FAM135B: variants seen among roughly 807,000 people sequenced by gnomAD.
FAM135B encodes the protein protein FAM135B.
In FAM135B, 43 loss-of-function variants were observed where a neutral mutation model predicts 127.7. That is an observed-to-expected ratio of 0.34 (90% CI 0.26 to 0.43). The LOEUF (loss-of-function observed/expected upper bound fraction) is 0.43. FAM135B is among the 20% of genes least tolerant of loss of function. FAM135B has a pLI of 1.00. For synonymous variants in FAM135B, 670 were observed against 665.1 expected (o/e 1.01, Z -0.11); for missense variants, 1,558 against 1,725.6 (o/e 0.90, Z 1.72).
At chr8:138,329,753 T>C (rs7011653) in intron 2 of FAM135B, among the ~76,000 whole-genome samples, 61,264 of 151,978 alleles carry the variant, frequency 0.4, 12,542 homozygotes, top group South Asian at 0.54. Flanking sequence ...GAGAACTCAG[T>C]CCCACATCTG....
At chr8:138,320,664 A>G (rs1176237287) in intron 2 of FAM135B, among the ~76,000 whole-genome samples, 3 of 152,200 alleles carry the variant, frequency 2.0e-5, no homozygotes, top group African/African-American at 7.2e-5. Flanking sequence ...GATTAGAGAA[A>G]TATCCATTAC....
intron 2 of FAM135B, among the ~76,000 whole-genome samples, chr8:138,363,363 C>T (rs1345368822): frequency 1.3e-5 from 2 of 152,172 alleles, no homozygotes; most frequent in East Asian, 3.9e-4. Context: ...CACCATTTTA[C>T]AGGCCATACA....
At chr8:138,356,577 T>C (rs1012580122) in intron 2 of FAM135B, among the ~76,000 whole-genome samples, 1 of 152,166 alleles carries the variant, frequency 6.6e-6, no homozygotes, top group African/African-American at 2.4e-5. Flanking sequence ...TTTCACCCAA[T>C]GATGGTGAAG....
intron 1 of FAM135B, among the ~76,000 whole-genome samples, chr8:138,385,140 C>T (rs1832112938): frequency 6.6e-6 from 1 of 152,154 alleles, no homozygotes; most frequent in African/African-American, 2.4e-5. Context: ...ATCCACTTGC[C>T]TCAAAGGGCC....
chr8:138,149,535 G>T (rs189715682), intron 13 of FAM135B, among the ~76,000 whole-genome samples: 17 of 152,304 alleles, frequency 1.1e-4, no homozygotes, highest in African/African-American at 2.9e-4. Flanking sequence ...GATGCTCTTT[G>T]TCTGGTTACC....
chr8:138,147,920 T>C (rs185187984), intron 14 of FAM135B, among the ~76,000 whole-genome samples: 17 of 152,266 alleles, frequency 1.1e-4, no homozygotes, highest in African/African-American at 4.1e-4. Flanking sequence ...GTGAGAAAGT[T>C]TTTTTGTTCC....
At chr8:138,298,815 G>T (rs980819204) in intron 3 of FAM135B, among the ~76,000 whole-genome samples, 2 of 152,014 alleles carry the variant, frequency 1.3e-5, no homozygotes, top group Non-Finnish European at 2.9e-5. Flanking sequence ...GAGGGACAGG[G>T]GTATCAGGAC....
chr8:138,264,787 G>T (rs933095731), intron 4 of FAM135B, among the ~76,000 whole-genome samples: 1 of 152,168 alleles, frequency 6.6e-6, no homozygotes, highest in African/African-American at 2.4e-5. Context: ...TGGACAAAAA[G>T]CCAAGAAGCC....
At position 138,243,720 on chromosome 8, in the gene FAM135B, T is replaced by C. The variant is rs1350199547; in HGVS notation, c.543-652A>G. On this transcript the variant is annotated intron_variant, in intron 6 of 19. Transcript: ENST00000395297. This position sits in a 1 kb window ranked among gnomAD's most constrained non-coding sequence, Gnocchi z 7.5. Reference sequence around the variant, plus strand: ...AGGATCAAAGGAGATTAGGAAAAGATGTGTGATTATTCAAATTTATCATAT... The same window carrying C: ...AGGATCAAAGGAGATTAGGAAAAGACGTGTGATTATTCAAATTTATCATAT... Among the ~76,000 whole-genome samples, 1 of 152,222 alleles carries C rather than the reference T, an allele frequency of 6.6e-6. No homozygotes were observed. The highest frequency in any genetic ancestry group is 1.5e-5 in the Non-Finnish European group (1 of 68,032).
chr8:138,378,526 C>T (rs545416626), intron 1 of FAM135B, among the ~76,000 whole-genome samples: 1 of 152,230 alleles, frequency 6.6e-6, no homozygotes, highest in South Asian at 2.1e-4. Flanking sequence ...GAATGATAAT[C>T]CCCTTCCACC....
chr8:138,478,351 T>G (rs1192597628), intron 1 of FAM135B, among the ~76,000 whole-genome samples: 1 of 152,156 alleles, frequency 6.6e-6, no homozygotes, highest in African/African-American at 2.4e-5. Flanking sequence ...CCCCATGAGC[T>G]TCACCCAAAA....
chr8:138,368,749 G>A (rs1020106120), intron 1 of FAM135B, among the ~76,000 whole-genome samples: 1 of 151,864 alleles, frequency 6.6e-6, no homozygotes, highest in Admixed American at 6.6e-5. Flanking sequence ...GAAAAGATGG[G>A]AGGAAAAAAA....
At chr8:138,156,903 T>C (rs989576584) in intron 12 of FAM135B, among the ~76,000 whole-genome samples, 9 of 152,076 alleles carry the variant, frequency 5.9e-5, no homozygotes, top group African/African-American at 2.2e-4. Context: ...CTGAAACTAT[T>C]CCAATCAATA....
In FAM135B at chr8:138,133,884, C is replaced by T. The variant is rs75068599; in HGVS notation, c.4016-1086G>A. Among the ~76,000 whole-genome samples, 1,057 of 152,198 alleles carry T rather than the reference C, an allele frequency of 6.9e-3. 11 individuals carry two copies. The highest frequency in any genetic ancestry group is 0.024 in the African/African-American group (1,012 of 41,520). ...TGTATTTGGGGGTGTTTCTTTTCCC[C>T]CCCTTCTTAGGGTCTTGGTAGGAGC... On this transcript the variant is annotated intron_variant, in intron 19 of 19. Transcript: ENST00000395297.
At chr8:138,443,511 A>C (rs1373433512) in intron 1 of FAM135B, among the ~76,000 whole-genome samples, 1 of 152,186 alleles carries the variant, frequency 6.6e-6, no homozygotes, top group Non-Finnish European at 1.5e-5. Context: ...CAAACCTGAA[A>C]GGCAGAACTC....
chr8:138,187,398 A>G (rs1281069798), intron 9 of FAM135B, among the ~76,000 whole-genome samples: 1 of 152,186 alleles, frequency 6.6e-6, no homozygotes, highest in African/African-American at 2.4e-5. Flanking sequence ...AAAGTCTGAA[A>G]ATGAACATGT....
At chr8:138,423,218 G>A (rs965384683) in intron 1 of FAM135B, among the ~76,000 whole-genome samples, 2 of 152,012 alleles carry the variant, frequency 1.3e-5, no homozygotes, top group African/African-American at 2.4e-5. Flanking sequence ...CCCAGACAAG[G>A]GGCAACTTAC....
At chr8:138,327,851 G>A (rs1352480808) in intron 2 of FAM135B, among the ~76,000 whole-genome samples, 1 of 152,202 alleles carries the variant, frequency 6.6e-6, no homozygotes, top group Non-Finnish European at 1.5e-5. Flanking sequence ...TTTAGTAGAA[G>A]ACAGGAGTTG....
chr8:138,244,933 G>T (rs534050056), intron 6 of FAM135B, among the ~76,000 whole-genome samples: 129 of 152,286 alleles, frequency 8.5e-4, no homozygotes, highest in African/African-American at 3.0e-3. Context: ...CCTATTTCAT[G>T]ATAATTGTGT....
Sources: gnomAD v4.1 joint callset for allele counts (sites outside exome capture counted in the v4.1 genomes callset) on GRCh38, gnomAD v4.1.1 for gene constraint, Gnocchi (gnomAD v3.1) non-coding constraint, MANE v1.5 for transcripts, NCBI Gene and HGNC (gene_info 2026-07-23, HGNC 2026-07-21) for gene names.